Variants in LEMD2 observed in about 807,000 individuals in gnomAD.
The protein encoded by LEMD2 is LEM domain nuclear envelope protein 2.
A neutral mutation model predicts 58.8 loss-of-function variants in LEMD2; 34 were observed. The ratio of observed to expected loss-of-function variants is 0.58; its 90% CI spans 0.44 to 0.77. The LOEUF is 0.77. Among genes scored for constraint, LEMD2 ranks in the 30% least tolerant of loss-of-function variants. The pLI is 0.00. For synonymous variants in LEMD2, 298 were observed against 308.9 expected (o/e 0.96, Z 0.37); for missense variants, 629 against 717.9 (o/e 0.88, Z 1.42).
Position 33,788,850 on chromosome 6 carries a change from G to A in LEMD2, c.267C>T (p.Leu89=). The A allele has an allele frequency of 1.4e-6, 2 of 1,394,540 alleles. No individual in the cohort carries two copies. The highest frequency in any genetic ancestry group is 1.9e-6 in the Non-Finnish European group (2 of 1,080,466). The allele number at this position is 1,394,540 out of a possible 1,614,324, so 86.4% of individuals were successfully genotyped here. The part of the protein sequence containing the change: ...AAASPRAEPW[L]SQPASGSAYA... Reference sequence around the variant, plus strand: ...AGGCCGAGCCCGAGGCCGGCTGGGAGAGCCAGGGCTCCGCCCGCGGAGAGG... The same window carrying A: ...AGGCCGAGCCCGAGGCCGGCTGGGAAAGCCAGGGCTCCGCCCGCGGAGAGG... The change falls in exon 1 of 9, where the codon CTC becomes CTT. Residue 89 remains leucine, a synonymous_variant. Coordinates refer to ENST00000293760, the MANE Select transcript of LEMD2 (RefSeq NM_181336.4).
At chr6:33,780,946 AC>A (rs1767551807) in intron 4 of LEMD2, 130 bp downstream of exon 4, 1 of 637,878 alleles carries the variant, frequency 1.6e-6, no homozygotes, top group Non-Finnish European at 2.7e-6. Flanking sequence ...CATAAACCAA[AC>A]CTTAACTTAA....
In LEMD2 at chr6:33,772,507, A is replaced by G; in HGVS notation, c.*121T>C. 1.1e-6 allele frequency: 1 copy of G among 906,208 alleles called. No individual in the cohort carries two copies. Among genetic ancestry groups the G allele is most frequent in the Middle Eastern group, 2.3e-4 (1 of 4,284 alleles). The allele number at this position is 906,208 out of a possible 1,614,324, so 56.1% of individuals were successfully genotyped here. A position where few individuals can be genotyped will look rare whatever the true frequency, so the allele number is the denominator to read the frequency against. On this transcript the variant is annotated 3_prime_UTR_variant, in exon 9 of 9. Coordinates refer to ENST00000293760, the MANE Select transcript of LEMD2 (RefSeq NM_181336.4). ...TATGGCAGACCTTTGGAATCGTGTC[A>G]GGACGAGACTGAAAGTCAAGGCAAG...
chr6:33,788,949 C>A lies in LEMD2; in HGVS notation c.168G>T (p.Pro56=), dbSNP rs1767756923. The change falls in exon 1 of 9, where the codon CCG becomes CCT. Residue 56 remains proline, a synonymous_variant. Transcript: ENST00000293760. The part of the protein sequence containing the change: ...DEERLREEAR[P]RGEERLREEA... ...CTTCCCGTAACCGCTCCTCGCCCCG[C>A]GGCCGGGCCTCCTCCCGCAGCCGCT... 3.3e-6 allele frequency: 5 copies of A among 1,513,908 alleles called. No individual in the cohort carries two copies. Among genetic ancestry groups the A allele is most frequent in the Non-Finnish European group, 4.4e-6 (5 of 1,139,034 alleles). The allele number at this position is 1,513,908 out of a possible 1,614,324, so 93.8% of individuals were successfully genotyped here.
At chr6:33,781,412 G>C in intron 3 of LEMD2, 1 of 468,928 alleles carries the variant, frequency 2.1e-6, no homozygotes, top group Admixed American at 3.8e-5. Flanking sequence ...CCAATAGCAA[G>C]GTCTCTTTGC....
rs1767477802 is a variant in LEMD2, at chr6:33,778,088, G to A, written c.1156+154C>T. On this transcript the variant is annotated intron_variant, in intron 6 of 8. Coordinates refer to ENST00000293760, the MANE Select transcript of LEMD2 (RefSeq NM_181336.4). The surrounding 1 kb of genome is among the most constrained non-coding windows in gnomAD (Gnocchi z 4.7). Reference sequence around the variant, plus strand: ...AAGGTAAATACAACCCAGGGCAGAGGCTGACTTGTTCATCTCCTCTGTTTT... The same window carrying A: ...AAGGTAAATACAACCCAGGGCAGAGACTGACTTGTTCATCTCCTCTGTTTT... Among the ~76,000 whole-genome samples the A allele has an allele frequency of 6.6e-6, 1 of 152,202 alleles. No individual in the cohort carries two copies. The highest frequency in any genetic ancestry group is 1.5e-5 in the Non-Finnish European group (1 of 68,040).
Position 33,788,777 on chromosome 6 carries a change from A to G in LEMD2, c.340T>C (p.Trp114Arg). The G allele has an allele frequency of 1.4e-6, 2 of 1,452,042 alleles. No homozygotes were observed. Among genetic ancestry groups the G allele is most frequent in the Non-Finnish European group, 1.8e-6 (2 of 1,104,584 alleles). 89.9% of individuals were successfully genotyped at this position (1,452,042 alleles called of 1,614,324 possible). Reference sequence around the variant, plus strand: ...TAGGCGAGGCCGCGGCTCCCTACCCAGGAAGCCGCGGAGGGCCGGATATCA... The same window carrying G: ...TAGGCGAGGCCGCGGCTCCCTACCCGGGAAGCCGCGGAGGGCCGGATATCA... ...YGDIRPSAAS[W>R]VGSRGLAYPA... The change falls in exon 1 of 9, where the codon TGG (tryptophan) becomes CGG (arginine). Residue 114 changes from tryptophan to arginine, a missense_variant. Physicochemically the swap from Trp to Arg is moderately radical, Grantham distance 101. Around this residue, in one of 2 missense-constraint regions of LEMD2, gnomAD observed 386 missense variants for 381.1 expected, o/e 1.01. Transcript: ENST00000293760.
intron 3 of LEMD2, among the ~76,000 whole-genome samples, chr6:33,783,058 T>C (rs1767600024): frequency 1.3e-5 from 2 of 152,194 alleles, no homozygotes; most frequent in African/African-American, 4.8e-5. Context: ...CCCCTGGGGA[T>C]CTTAAGATAC....
chr6:33,773,743 A>G (rs1767362476), intron 8 of LEMD2, among the ~76,000 whole-genome samples: 1 of 152,214 alleles, frequency 6.6e-6, no homozygotes, highest in Non-Finnish European at 1.5e-5. Context: ...CTGAGCAGGA[A>G]GCGGCCAGTG....
Position 33,788,838 on chromosome 6 carries a change from G to A in LEMD2, c.279C>T (p.Ala93=), listed in dbSNP as rs1767751729. The change falls in exon 1 of 9, where the codon GCC becomes GCT. Residue 93 remains alanine, a synonymous_variant. Coordinates refer to ENST00000293760, the MANE Select transcript of LEMD2 (RefSeq NM_181336.4). ...CAGGGGTCGCGTAGGCCGAGCCCGA[G>A]GCCGGCTGGGAGAGCCAGGGCTCCG... The part of the protein sequence containing the change: ...PRAEPWLSQP[A]SGSAYATPGA... The A allele has an allele frequency of 2.8e-6, 4 of 1,415,500 alleles. No homozygotes were observed. The highest frequency in any genetic ancestry group is 3.1e-5 in the Admixed American group (1 of 32,510). 87.7% of individuals were successfully genotyped at this position (1,415,500 alleles called of 1,614,324 possible). A position where few individuals can be genotyped will look rare whatever the true frequency, so the allele number is the denominator to read the frequency against.
chr6:33,779,025 A>T (rs1037587017), intron 5 of LEMD2: 3 of 152,102 alleles, frequency 2.0e-5, no homozygotes, highest in Non-Finnish European at 4.4e-5. Flanking sequence ...CATGCTCTTG[A>T]GGCTGCATGC....
In LEMD2 at chr6:33,789,093, T is replaced by C. The variant is rs2127384704; in HGVS notation, c.24A>G (p.Glu8=). ...CCAGGGCCTGCAGCTCCCGCCGCAG[T>C]TCCAGGTCCGACAGGCCGGCCATGG... MAGLSDL[E]LRRELQALGF... Residue 8 remains glutamate (E), a synonymous_variant, in exon 1 of 9, where the codon GAA becomes GAG. Transcript: ENST00000293760. 6.5e-7 allele frequency: 1 copy of C among 1,538,888 alleles called. No homozygotes were observed.
intron 3 of LEMD2, among the ~76,000 whole-genome samples, chr6:33,782,823 G>A (rs965728221): frequency 1.3e-5 from 2 of 152,338 alleles, no homozygotes; most frequent in East Asian, 1.9e-4. Flanking sequence ...TAACAGGAGA[G>A]GCATGGAAGG....
chr6:33,781,212 C>A (rs781521791), intron 3 of LEMD2, 59 bp from the exon 4 acceptor site: 1 of 1,086,766 alleles, frequency 9.2e-7, no homozygotes, highest in East Asian at 2.4e-5. Flanking sequence ...CTGAAACAGA[C>A]TAAAAAATGC....
At chr6:33,784,727 T>C (rs1354484763) in intron 2 of LEMD2, 1 of 316,536 alleles carries the variant, frequency 3.2e-6, no homozygotes, top group African/African-American at 2.1e-5. Context: ...ATGACGGCCA[T>C]TAAGAGGGCT....
At chr6:33,784,522 A>G in intron 2 of LEMD2, 95 bp from the exon 3 acceptor site, 5 of 758,262 alleles carry the variant, frequency 6.6e-6, no homozygotes, top group South Asian at 6.1e-5. Flanking sequence ...GTCAAATACT[A>G]AACAGCAAGG....
chr6:33,772,869 T>G lies in LEMD2; in HGVS notation c.1362-91A>C, dbSNP rs893635904. ...CTACAAAGGGCACACATTTCCAGGC[T>G]CTGGCATGGAATTTATGTAAGAGAG... On this transcript the variant is annotated intron_variant, in intron 8 of 8. Transcript: ENST00000293760. 2.0e-5 allele frequency: 24 copies of G among 1,208,820 alleles called. No individual in the cohort carries two copies. The South Asian group carries it at 3.4e-4, about 17-fold the overall frequency. The allele number at this position is 1,208,820 out of a possible 1,614,324, so 74.9% of individuals were successfully genotyped here. A position where few individuals can be genotyped will look rare whatever the true frequency, so the allele number is the denominator to read the frequency against.
chr6:33,779,801 T>C (rs376751351), intron 5 of LEMD2: 18 of 299,468 alleles, frequency 6.0e-5, no homozygotes, highest in East Asian at 3.0e-4. Context: ...CCATGTGGTG[T>C]TGTTGATGAA....
chr6:33,772,625 G>A lies in LEMD2; in HGVS notation c.*3C>T. Reference sequence around the variant, plus strand: ...TGACCGGGAACAAGTCCCCGCCCGGGGCTTATCGCTCTGAGTCAGAGAAGG... The same window carrying A: ...TGACCGGGAACAAGTCCCCGCCCGGAGCTTATCGCTCTGAGTCAGAGAAGG... On this transcript the variant is annotated 3_prime_UTR_variant, in exon 9 of 9. Coordinates refer to ENST00000293760, the MANE Select transcript of LEMD2 (RefSeq NM_181336.4). 6.2e-7 allele frequency: 1 copy of A among 1,612,962 alleles called. No homozygotes were observed. Among genetic ancestry groups the A allele is most frequent in the Non-Finnish European group, 8.5e-7 (1 of 1,179,444 alleles).
intron 1 of LEMD2, among the ~76,000 whole-genome samples, chr6:33,787,443 T>C (rs111391236): frequency 6.6e-6 from 1 of 152,262 alleles, no homozygotes; most frequent in African/African-American, 2.4e-5. Flanking sequence ...CAAACATCCA[T>C]CTGCCACACC....
Sources: gnomAD v4.1 joint callset for allele counts (sites outside exome capture counted in the v4.1 genomes callset) on GRCh38, gnomAD v4.1.1 for gene constraint, gnomAD v4.1.1 regional missense constraint, Gnocchi (gnomAD v3.1) non-coding constraint, MANE v1.5 for transcripts, NCBI Gene and HGNC (gene_info 2026-07-23, HGNC 2026-07-21) for gene names.